ZFAND6: variants seen among roughly 807,000 people sequenced by gnomAD.
The protein encoded by ZFAND6 is AN1-type zinc finger protein 6.
In ZFAND6, 12 loss-of-function variants were observed where a neutral mutation model predicts 24.5. The ratio of observed to expected loss-of-function variants is 0.49; its 90% CI spans 0.31 to 0.79. ZFAND6 has a LOEUF of 0.79. ZFAND6 is among the 30% of genes least tolerant of loss of function. ZFAND6 has a pLI of 0.04. For missense variants in ZFAND6, 207 were observed against 245.9 expected (o/e 0.84, Z 1.06); for synonymous variants, 92 against 81.5 (o/e 1.13, Z -0.69).
intron 1 of ZFAND6, among the ~76,000 whole-genome samples, chr15:80,074,045 G>A (rs1457588032): frequency 6.6e-6 from 1 of 151,868 alleles, no homozygotes; most frequent in Non-Finnish European, 1.5e-5. Flanking sequence ...AGTTATACCA[G>A]TTTATATCGA....
chr15:80,101,798 T>G (rs1391516134), intron 2 of ZFAND6, among the ~76,000 whole-genome samples: 1 of 149,810 alleles, frequency 6.7e-6, no homozygotes, highest in African/African-American at 2.5e-5. Context: ...AGTGTTTTTT[T>G]TTTTTTTTTT....
intron 5 of ZFAND6, chr15:80,129,450 G>A (rs926927172): frequency 6.6e-6 from 1 of 152,222 alleles, no homozygotes; most frequent in Non-Finnish European, 1.5e-5. Context: ...AAATGTCTGA[G>A]CATGTATTAC....
At chr15:80,092,814 G>C (rs2038466829) in intron 1 of ZFAND6, among the ~76,000 whole-genome samples, 1 of 152,036 alleles carries the variant, frequency 6.6e-6, no homozygotes, top group South Asian at 2.1e-4. Flanking sequence ...TTTTAATTTT[G>C]TGGTAAAGAA....
At chr15:80,096,940 T>G (rs1017616648) in intron 1 of ZFAND6, among the ~76,000 whole-genome samples, 3 of 152,202 alleles carry the variant, frequency 2.0e-5, no homozygotes, top group African/African-American at 7.2e-5. Flanking sequence ...CTAGAATCTT[T>G]CTCTGTATTG....
intron 2 of ZFAND6, among the ~76,000 whole-genome samples, chr15:80,106,585 G>GT (rs3082081): frequency 0.033 from 4,333 of 131,156 alleles, 161 homozygotes; most frequent in African/African-American, 0.09. Flanking sequence ...TGTTAAATTT[G>GT]TTTTTTTTTT....
intron 2 of ZFAND6, among the ~76,000 whole-genome samples, chr15:80,117,837 T>A (rs528172406): frequency 7.6e-4 from 104 of 137,314 alleles, no homozygotes; most frequent in African/African-American, 2.6e-3. Flanking sequence ...TAAGGCTTCA[T>A]CTATTTTTTT....
At chr15:80,112,841 C>T (rs1567084363) in intron 2 of ZFAND6, 3 of 455,956 alleles carry the variant, frequency 6.6e-6, no homozygotes, top group Non-Finnish European at 1.3e-5. Context: ...TCTCAAGCAC[C>T]TATGCCAAGT....
At chr15:80,082,371 T>C (rs1386743902) in intron 1 of ZFAND6, among the ~76,000 whole-genome samples, 1 of 152,144 alleles carries the variant, frequency 6.6e-6, no homozygotes, top group Non-Finnish European at 1.5e-5. Context: ...ATAGGAAAAA[T>C]TGACAAAGGT....
At chr15:80,070,475 T>G (rs534961002) in intron 1 of ZFAND6, among the ~76,000 whole-genome samples, 10 of 152,356 alleles carry the variant, frequency 6.6e-5, no homozygotes, top group African/African-American at 2.4e-4. Flanking sequence ...TGCTGTTGTT[T>G]TCTGCTGCTG....
At chr15:80,130,833 C>T (rs970565897) in intron 5 of ZFAND6, 9 of 205,778 alleles carry the variant, frequency 4.4e-5, no homozygotes, top group Non-Finnish European at 6.7e-5. Flanking sequence ...TGGCTATTGT[C>T]TTGCACACTC....
At chr15:80,085,952 A>G (rs1013597977) in intron 1 of ZFAND6, among the ~76,000 whole-genome samples, 3 of 152,240 alleles carry the variant, frequency 2.0e-5, no homozygotes, top group African/African-American at 7.2e-5. Context: ...CTATAAAAAA[A>G]GGTAGTTTAT....
chr15:80,104,571 C>G (rs2039217686), intron 2 of ZFAND6, among the ~76,000 whole-genome samples: 1 of 152,042 alleles, frequency 6.6e-6, no homozygotes, highest in South Asian at 2.1e-4. Context: ...ATCCCAGAAA[C>G]TTACATTTTA....
intron 6 of ZFAND6, among the ~76,000 whole-genome samples, chr15:80,133,261 C>G (rs967269903): frequency 6.6e-6 from 1 of 151,106 alleles, no homozygotes. Context: ...GGCACTATCT[C>G]GGCTCACTGT....
intron 6 of ZFAND6, among the ~76,000 whole-genome samples, chr15:80,133,428 C>T (rs2040709892): frequency 1.3e-5 from 2 of 152,060 alleles, no homozygotes; most frequent in African/African-American, 4.8e-5. Flanking sequence ...CTCCTGACCT[C>T]AGGTGATCCA....
chr15:80,117,690 G>A (rs925327443), intron 2 of ZFAND6, among the ~76,000 whole-genome samples: 2 of 152,086 alleles, frequency 1.3e-5, no homozygotes, highest in Non-Finnish European at 2.9e-5. Flanking sequence ...ATGCTTCCCG[G>A]TTTGTCATGT....
At chr15:80,124,277 C>A (rs913184461) in intron 5 of ZFAND6, among the ~76,000 whole-genome samples, 1 of 151,954 alleles carries the variant, frequency 6.6e-6, no homozygotes, top group African/African-American at 2.4e-5. Context: ...ACTAAAAATA[C>A]AAAAAATTAG....
intron 2 of ZFAND6, among the ~76,000 whole-genome samples, chr15:80,116,705 A>G (rs1377998400): frequency 6.6e-6 from 1 of 152,246 alleles, no homozygotes; most frequent in African/African-American, 2.4e-5. Context: ...TTGAAACCAT[A>G]CAAGACAAGC....
chr15:80,121,729 C>G lies in ZFAND6; in HGVS notation c.172C>G (p.Leu58Val). ...TGTTACAGCAACCTCTGTCAGTAGT[C>G]TGTCTGAATCTTTACCAGTTCAATG... ...ISPPATSVSS[L>V]SESLPVQCTD... The change falls in exon 4 of 7, where the codon CTG becomes GTG. Residue 58 changes from leucine to valine, a missense_variant. Leu to Val is a conservative substitution (Grantham distance 32). Coordinates refer to ENST00000261749, the MANE Select transcript of ZFAND6 (RefSeq NM_019006.4). 6.2e-7 allele frequency: 1 copy of G among 1,613,768 alleles called. No individual in the cohort carries two copies. The highest frequency in any genetic ancestry group is 8.5e-7 in the Non-Finnish European group (1 of 1,179,816).
chr15:80,128,609 A>G (rs2040469087), intron 5 of ZFAND6, among the ~76,000 whole-genome samples: 1 of 152,212 alleles, frequency 6.6e-6, no homozygotes, highest in Admixed American at 6.5e-5. Context: ...TTGTCCGTGA[A>G]TTCATTTGGT....
Sources: allele counts gnomAD v4.1 joint callset (sites outside exome capture counted in the v4.1 genomes callset), GRCh38; gene constraint gnomAD v4.1.1; transcripts MANE v1.5; gene names NCBI Gene and HGNC (gene_info 2026-07-23, HGNC 2026-07-21).